The following RETREG1 variants were observed in gnomAD, a reference collection of about 807,000 sequenced individuals.
RETREG1 encodes reticulophagy regulator 1.
RETREG1 carries 44 observed loss-of-function variants against 54.8 expected under a neutral mutation model. The ratio of observed to expected loss-of-function variants is 0.80; its 90% CI spans 0.63 to 1.03. The LOEUF (loss-of-function observed/expected upper bound fraction) is 1.03. RETREG1 is among the 50% of genes least tolerant of loss of function. The probability of loss-of-function intolerance (pLI) is 0.00; values close to 1 mark genes in which losing one functional copy is unlikely to be tolerated. For missense variants in RETREG1, 554 were observed against 605.1 expected, an observed-to-expected ratio of 0.92 and a Z score of 0.89; for synonymous variants, 217 against 238.5, an observed-to-expected ratio of 0.91 and a Z score of 0.83.
At chr5:16,615,267 G>C (rs1025608465) in intron 1 of RETREG1, among the ~76,000 whole-genome samples, 122 of 151,836 alleles carry the variant, frequency 8.0e-4, no homozygotes, top group African/African-American at 2.9e-3. Context: ...AGGCGTGGTG[G>C]CGGGCGCCTG....
intron 1 of RETREG1, among the ~76,000 whole-genome samples, chr5:16,607,196 T>C (rs1743211977): frequency 6.6e-6 from 1 of 152,182 alleles, no homozygotes; most frequent in South Asian, 2.1e-4. Flanking sequence ...TTCTGGCATT[T>C]TGTATATTTG....
intron 1 of RETREG1, among the ~76,000 whole-genome samples, chr5:16,588,711 T>C (rs1742680789): frequency 6.6e-6 from 1 of 152,238 alleles, no homozygotes; most frequent in African/African-American, 2.4e-5. Flanking sequence ...TAAGAAACTA[T>C]GCAGATTAGA....
At chr5:16,577,374 T>C (rs1285252977) in intron 1 of RETREG1, among the ~76,000 whole-genome samples, 2 of 151,798 alleles carry the variant, frequency 1.3e-5, no homozygotes, top group Non-Finnish European at 2.9e-5. Context: ...CTGGATGTCT[T>C]GGTGGCTACA....
In RETREG1 at chr5:16,572,322, C is replaced by T. The variant is rs150073644; in HGVS notation, c.321-220G>A. On this transcript the variant is annotated intron_variant, in intron 1 of 8. Coordinates refer to ENST00000306320, the MANE Select transcript of RETREG1 (RefSeq NM_001034850.3). ...CTGCCTCCCTGGTTCAAGTGATTCT[C>T]CTGCCTCAGCTTCGCAAGTAGCTGG... 0.041 allele frequency among the ~76,000 whole-genome samples: 6,276 copies of T among 151,850 alleles called. 392 individuals carry two copies. Among genetic ancestry groups the T allele is most frequent in the African/African-American group, 0.14 (5,780 of 41,336 alleles).
At chr5:16,511,190 T>C (rs1221636158) in intron 3 of RETREG1, among the ~76,000 whole-genome samples, 1 of 152,228 alleles carries the variant, frequency 6.6e-6, no homozygotes, top group Admixed American at 6.5e-5. Flanking sequence ...CAGCAAAAAC[T>C]GTGCATCAAA....
intron 1 of RETREG1, among the ~76,000 whole-genome samples, chr5:16,612,166 A>T (rs1242135890): frequency 2.0e-5 from 3 of 152,170 alleles, no homozygotes; most frequent in African/African-American, 2.4e-5. Context: ...GAAACAGATC[A>T]GTCCCCAGGG....
At chr5:16,553,705 G>A (rs1340967982) in intron 3 of RETREG1, among the ~76,000 whole-genome samples, 2 of 152,048 alleles carry the variant, frequency 1.3e-5, no homozygotes, top group Non-Finnish European at 2.9e-5. Flanking sequence ...GGGGTGGGCG[G>A]GGGAGCAACT....
intron 1 of RETREG1, among the ~76,000 whole-genome samples, chr5:16,612,474 T>C (rs1405050984): frequency 6.6e-6 from 1 of 152,262 alleles, no homozygotes; most frequent in African/African-American, 2.4e-5. Flanking sequence ...TGTTTACCCT[T>C]CTGTACATTT....
intron 2 of RETREG1, among the ~76,000 whole-genome samples, chr5:16,568,709 G>A (rs1432830396): frequency 6.6e-6 from 1 of 152,134 alleles, no homozygotes. Context: ...GGGAAAGGGG[G>A]ACTTGGCTGT....
intron 3 of RETREG1, among the ~76,000 whole-genome samples, chr5:16,557,094 T>A (rs766871054): frequency 3.0e-4 from 45 of 152,346 alleles, no homozygotes; most frequent in Admixed American, 8.5e-4. Flanking sequence ...CCTCCCATAG[T>A]GCTGGCATTA....
chr5:16,532,533 G>A (rs555131144), intron 3 of RETREG1, among the ~76,000 whole-genome samples: 3 of 152,258 alleles, frequency 2.0e-5, no homozygotes, highest in South Asian at 2.1e-4. Context: ...AGACAATAAC[G>A]GGAAAAATTA....
In RETREG1 at chr5:16,593,978, A is replaced by G. The variant is rs1177910274; in HGVS notation, c.321-21876T>C. Among the ~76,000 whole-genome samples the G allele has an allele frequency of 2.0e-5, 3 of 152,242 alleles. No homozygotes were observed. Among genetic ancestry groups the G allele is most frequent in the African/African-American group, 2.4e-5 (1 of 41,462 alleles). ...AACAAAAAGCCAAAGATCATCACTG[A>G]CATTCTGGGGATGGTAGCCCATGAT... On this transcript the variant is annotated intron_variant, in intron 1 of 8. Transcript: ENST00000306320. The surrounding 1 kb of genome is among the most constrained non-coding windows in gnomAD (Gnocchi z 4.9).
chr5:16,603,758 A>G (rs1743110125), intron 1 of RETREG1, among the ~76,000 whole-genome samples: 1 of 151,356 alleles, frequency 6.6e-6, no homozygotes, highest in Non-Finnish European at 1.5e-5. Flanking sequence ...CCCACATCAC[A>G]TATTTCACAC....
At chr5:16,580,673 C>T (rs1742455697) in intron 1 of RETREG1, among the ~76,000 whole-genome samples, 1 of 152,150 alleles carries the variant, frequency 6.6e-6, no homozygotes, top group Non-Finnish European at 1.5e-5. Flanking sequence ...GAATAATTAT[C>T]ATGAGGGGGA....
chr5:16,604,902 G>T (rs1281513454), intron 1 of RETREG1, among the ~76,000 whole-genome samples: 3 of 152,046 alleles, frequency 2.0e-5, no homozygotes, highest in African/African-American at 2.4e-5. Flanking sequence ...TGGATATCTT[G>T]GACTCATTTA....
intron 1 of RETREG1, among the ~76,000 whole-genome samples, chr5:16,595,998 G>C (rs1742887382): frequency 6.6e-6 from 1 of 152,166 alleles, no homozygotes; most frequent in Non-Finnish European, 1.5e-5. Flanking sequence ...CATGTTCACT[G>C]TCTCAACACT....
chr5:16,497,257 C>G (rs1739499919), intron 3 of RETREG1, among the ~76,000 whole-genome samples: 1 of 152,174 alleles, frequency 6.6e-6, no homozygotes, highest in Non-Finnish European at 1.5e-5. Flanking sequence ...GATCAGAACC[C>G]AGTCTCCAGC....
chr5:16,592,016 C>T (rs17613300), intron 1 of RETREG1, among the ~76,000 whole-genome samples: 52,121 of 152,036 alleles, frequency 0.34, 10,337 homozygotes, highest in Non-Finnish European at 0.45. Context: ...TGAATCTGGA[C>T]TAGAATAGAG....
intron 3 of RETREG1, among the ~76,000 whole-genome samples, chr5:16,516,564 G>A (rs1473409156): frequency 3.3e-5 from 5 of 152,156 alleles, no homozygotes; most frequent in African/African-American, 4.8e-5. Context: ...AACATTTCTG[G>A]TACAAGTGAA....
Sources: gnomAD v4.1 joint callset for allele counts (sites outside exome capture counted in the v4.1 genomes callset) on GRCh38, gnomAD v4.1.1 for gene constraint, Gnocchi (gnomAD v3.1) non-coding constraint, MANE v1.5 for transcripts, NCBI Gene and HGNC (gene_info 2026-07-23, HGNC 2026-07-21) for gene names.